The following MCU variants were observed in gnomAD, a reference collection of about 807,000 sequenced individuals.
MCU encodes calcium uniporter protein, mitochondrial.
MCU carries 12 observed loss-of-function variants against 45.2 expected under a neutral mutation model. The ratio of observed to expected loss-of-function variants is 0.27; its 90% CI spans 0.17 to 0.43. The LOEUF is 0.43. Ranked by LOEUF, MCU falls within the 20% of genes least tolerant of loss-of-function variation. MCU has a pLI of 1.00. For missense variants in MCU, 324 were observed against 436.7 expected (o/e 0.74, Z 2.30); for synonymous variants, 160 against 165.1 (o/e 0.97, Z 0.24).
intron 1 of MCU, among the ~76,000 whole-genome samples, chr10:72,734,685 C>T (rs1843227400): frequency 6.6e-6 from 1 of 152,122 alleles, no homozygotes; most frequent in African/African-American, 2.4e-5. Flanking sequence ...CTGATCATGG[C>T]TCACCGCAGC....
intron 2 of MCU, among the ~76,000 whole-genome samples, chr10:72,841,589 C>T (rs183834384): frequency 2.7e-3 from 418 of 152,272 alleles, no homozygotes; most frequent in Admixed American, 0.025. Flanking sequence ...TGAACCACCG[C>T]GCCTGACCCC....
intron 1 of MCU, among the ~76,000 whole-genome samples, chr10:72,787,757 T>C (rs1398781173): frequency 6.6e-6 from 1 of 150,684 alleles, no homozygotes; most frequent in African/African-American, 2.4e-5. Context: ...CTCGCTCTGT[T>C]GCCCAGGCTG....
At chr10:72,693,348 G>C (rs746397307) in intron 1 of MCU, among the ~76,000 whole-genome samples, 6 of 152,176 alleles carry the variant, frequency 3.9e-5, no homozygotes, top group Admixed American at 6.6e-5. Flanking sequence ...CCAGCTCTGA[G>C]GGAAAGAATG....
intron 1 of MCU, among the ~76,000 whole-genome samples, chr10:72,826,802 A>G (rs2132823519): frequency 6.6e-6 from 1 of 152,284 alleles, no homozygotes; most frequent in Non-Finnish European, 1.5e-5. Flanking sequence ...TAAGTTTTAA[A>G]TGGTGCACTG....
At chr10:72,742,036 AAAAAAAAAAC>A (rs1843341437) in intron 1 of MCU, among the ~76,000 whole-genome samples, 1 of 151,776 alleles carries the variant, frequency 6.6e-6, no homozygotes, top group African/African-American at 2.4e-5. Flanking sequence ...AAAAAAAAAA[AAAAAAAAAAC>A]AAAAACGACA....
intron 1 of MCU, among the ~76,000 whole-genome samples, chr10:72,789,200 A>G (rs528140537): frequency 6.6e-6 from 1 of 152,310 alleles, no homozygotes; most frequent in African/African-American, 2.4e-5. Context: ...TTGAATGGCT[A>G]GAGACTTTGG....
At chr10:72,849,283 A>G (rs1845171242) in intron 2 of MCU, among the ~76,000 whole-genome samples, 1 of 150,638 alleles carries the variant, frequency 6.6e-6, no homozygotes, top group African/African-American at 2.5e-5. Context: ...TCCAAAAAAA[A>G]AAAAAAAAAA....
intron 1 of MCU, among the ~76,000 whole-genome samples, chr10:72,810,458 T>C (rs569860804): frequency 3.1e-4 from 44 of 143,480 alleles, no homozygotes; most frequent in African/African-American, 1.0e-3. Flanking sequence ...ACAATTATGT[T>C]GCCTTTTTTT....
chr10:72,749,080 C>T (rs1589443175), intron 1 of MCU, among the ~76,000 whole-genome samples: 2 of 151,298 alleles, frequency 1.3e-5, no homozygotes, highest in South Asian at 4.2e-4. Flanking sequence ...TGGGCAACAG[C>T]AACATGGTGA....
intron 4 of MCU, among the ~76,000 whole-genome samples, chr10:72,868,066 A>G (rs925983655): frequency 6.6e-6 from 1 of 151,942 alleles, no homozygotes; most frequent in African/African-American, 2.4e-5. Flanking sequence ...AGTTTTTAAC[A>G]TTTGCTTTAA....
At chr10:72,869,570 A>G (rs1469726343) in intron 5 of MCU, among the ~76,000 whole-genome samples, 1 of 152,268 alleles carries the variant, frequency 6.6e-6, no homozygotes, top group East Asian at 1.9e-4. Context: ...CCTGGACGAC[A>G]GAGCGAGACT....
chr10:72,884,772 A>G (rs1192421656), intron 7 of MCU, among the ~76,000 whole-genome samples: 2 of 152,132 alleles, frequency 1.3e-5, no homozygotes, highest in Admixed American at 1.3e-4. Flanking sequence ...CAGTGGGGAA[A>G]AGTAAAACCC....
At chr10:72,782,999 C>A (rs1589457570) in intron 1 of MCU, among the ~76,000 whole-genome samples, 1 of 152,152 alleles carries the variant, frequency 6.6e-6, no homozygotes, top group Non-Finnish European at 1.5e-5. Flanking sequence ...TATATTTAAG[C>A]TTCCTATAGG....
At chr10:72,808,916 C>A (rs11593922) in intron 1 of MCU, among the ~76,000 whole-genome samples, 1 of 152,134 alleles carries the variant, frequency 6.6e-6, no homozygotes, top group Admixed American at 6.5e-5. Context: ...GTCCCCCTAC[C>A]GAAATTGGGA....
At chr10:72,865,124 C>T (rs1179219062) in intron 4 of MCU, among the ~76,000 whole-genome samples, 3 of 151,930 alleles carry the variant, frequency 2.0e-5, no homozygotes, top group Admixed American at 6.6e-5. Flanking sequence ...CAGAAATGAA[C>T]GTTTAGTTTT....
At chr10:72,846,684 T>G (rs1465828173) in intron 2 of MCU, among the ~76,000 whole-genome samples, 1 of 152,180 alleles carries the variant, frequency 6.6e-6, no homozygotes, top group African/African-American at 2.4e-5. Flanking sequence ...TAAAAAAATT[T>G]TTTTTCTTCT....
At chr10:72,837,557 A>G (rs768454482) in intron 2 of MCU, among the ~76,000 whole-genome samples, 10 of 152,216 alleles carry the variant, frequency 6.6e-5, no homozygotes, top group Non-Finnish European at 1.5e-4. Context: ...AAATGTAGAA[A>G]CAGTACTTAT....
chr10:72,799,845 AAAT>A (rs1390005246), intron 1 of MCU, among the ~76,000 whole-genome samples: 3 of 152,204 alleles, frequency 2.0e-5, no homozygotes, highest in African/African-American at 4.8e-5. Flanking sequence ...TAAGGATCAC[AAAT>A]AATATCTGAT....
At chr10:72,733,971 A>T (rs1843216196) in intron 1 of MCU, among the ~76,000 whole-genome samples, 2 of 152,238 alleles carry the variant, frequency 1.3e-5, no homozygotes, top group Admixed American at 6.5e-5. Context: ...GAAGCTTTAA[A>T]GGGAATGTGG....
Sources: gnomAD v4.1 joint callset for allele counts (sites outside exome capture counted in the v4.1 genomes callset) on GRCh38, gnomAD v4.1.1 for gene constraint, MANE v1.5 for transcripts, NCBI Gene and HGNC (gene_info 2026-07-23, HGNC 2026-07-21) for gene names.